INPP5F: variants seen among roughly 807,000 people sequenced by gnomAD.
INPP5F encodes the protein inositol polyphosphate-5-phosphatase F.
Under a neutral mutation model 137.2 loss-of-function variants are expected in INPP5F, and 97 were observed. The ratio of observed to expected loss-of-function variants is 0.71; its 90% CI spans 0.60 to 0.84. INPP5F has a LOEUF of 0.84. INPP5F is among the 40% of genes least tolerant of loss of function. The pLI is 0.00. For synonymous variants in INPP5F, 504 were observed against 476.9 expected (o/e 1.06, Z -0.74); for missense variants, 1,271 against 1,371.9 (o/e 0.93, Z 1.16).
intron 3 of INPP5F, among the ~76,000 whole-genome samples, chr10:119,785,575 A>AGAGAGAGAGAGACT (rs1435677238): frequency 7.5e-4 from 113 of 150,500 alleles, no homozygotes; most frequent in Admixed American, 2.1e-3. Flanking sequence ...AGAGAGAGAG[A>AGAGAGAGAGAGACT]GAGACTGAGA....
intron 2 of INPP5F, among the ~76,000 whole-genome samples, chr10:119,770,454 C>T (rs763955621): frequency 7.2e-5 from 11 of 152,202 alleles, no homozygotes; most frequent in Non-Finnish European, 1.3e-4. Context: ...ACAATAGTGA[C>T]GCTGTACTTT....
At chr10:119,823,732 A>G in intron 18 of INPP5F, 83 bp from the exon 19 acceptor site, 1 of 968,462 alleles carries the variant, frequency 1.0e-6, no homozygotes, top group South Asian at 1.7e-5. Flanking sequence ...GACAAATTTC[A>G]TTCAGCGCTA....
chr10:119,806,315 C>A, intron 11 of INPP5F, 45 bp from the exon 12 acceptor site: 1 of 1,347,304 alleles, frequency 7.4e-7, no homozygotes, highest in Non-Finnish European at 1.0e-6. Context: ...TTTGAAAACC[C>A]TATTATTTTA....
At chr10:119,737,184 G>T (rs890732481) in intron 1 of INPP5F, among the ~76,000 whole-genome samples, 5 of 152,062 alleles carry the variant, frequency 3.3e-5, no homozygotes, top group African/African-American at 9.7e-5. Context: ...TATTCTTGTG[G>T]TTACTTTTTG....
chr10:119,808,151 AT>A, intron 13 of INPP5F, 91 bp downstream of exon 13: 1 of 1,454,550 alleles, frequency 6.9e-7, no homozygotes, highest in Non-Finnish European at 9.3e-7. Flanking sequence ...TGGGTTCCAG[AT>A]TGCAGATGTG....
Position 119,827,581 on chromosome 10 carries a change from C to G in INPP5F, c.3200C>G (p.Ala1067Gly). ...CCTTCAGAGAGCAGTAGCAGCAGAG[C>G]AGTCTCTCCCTTTGCCAAGATTCGA... The part of the protein sequence containing the change: ...PSPSESSSSR[A>G]VSPFAKIRSS... Residue 1067 changes from alanine to glycine, a missense_variant, in exon 20 of 20, where the codon GCA becomes GGA. This residue lies in a region of INPP5F where 490 missense variants were observed against 443.7 expected (regional missense o/e 1.10). Transcript: ENST00000650623. 6.2e-7 allele frequency: 1 copy of G among 1,614,160 alleles called. No homozygotes were observed. Among genetic ancestry groups the G allele is most frequent in the Non-Finnish European group, 8.5e-7 (1 of 1,180,016 alleles).
intron 15 of INPP5F, chr10:119,819,571 A>G (rs1213445780): frequency 1.1e-5 from 18 of 1,568,196 alleles, no homozygotes; most frequent in Non-Finnish European, 1.6e-5. Flanking sequence ...TTAACATTTT[A>G]CAGTGTTATT....
chr10:119,734,198 C>A (rs533644562), intron 1 of INPP5F, among the ~76,000 whole-genome samples: 3 of 152,090 alleles, frequency 2.0e-5, no homozygotes, highest in South Asian at 2.1e-4. Context: ...CCAAACCGGC[C>A]CTTGTGCAGA....
At chr10:119,743,364 C>T (rs1848432860) in intron 1 of INPP5F, among the ~76,000 whole-genome samples, 1 of 152,176 alleles carries the variant, frequency 6.6e-6, no homozygotes, top group Non-Finnish European at 1.5e-5. Flanking sequence ...AGTGAGCTTC[C>T]TCTTCCTCAT....
At chr10:119,797,378 T>C (rs919318972) in intron 7 of INPP5F, 83 bp from the exon 8 acceptor site, 3 of 1,082,800 alleles carry the variant, frequency 2.8e-6, no homozygotes, top group Non-Finnish European at 4.0e-6. Context: ...CTGGAAGACA[T>C]ACATTTGATT....
intron 1 of INPP5F, among the ~76,000 whole-genome samples, chr10:119,742,970 C>T (rs762993389): frequency 2.0e-5 from 3 of 151,560 alleles, no homozygotes; most frequent in Admixed American, 6.6e-5. Context: ...CCAGCCTGGG[C>T]GACAAGAGTG....
chr10:119,750,146 A>G (rs1333096342), intron 1 of INPP5F, among the ~76,000 whole-genome samples: 1 of 152,214 alleles, frequency 6.6e-6, no homozygotes, highest in East Asian at 1.9e-4. Context: ...TCAAAACTCA[A>G]ATGAATTTGG....
intron 15 of INPP5F, among the ~76,000 whole-genome samples, chr10:119,812,572 C>T (rs891493902): frequency 6.6e-6 from 1 of 151,934 alleles, no homozygotes; most frequent in Non-Finnish European, 1.5e-5. Context: ...CACTCTAGTT[C>T]TATTTTATCT....
intron 1 of INPP5F, among the ~76,000 whole-genome samples, chr10:119,728,044 C>G (rs1356677112): frequency 6.6e-6 from 1 of 152,226 alleles, no homozygotes; most frequent in Non-Finnish European, 1.5e-5. Context: ...GGCTAACCTG[C>G]GCCTAGATTC....
At chr10:119,780,049 AC>A (rs1237867199) in intron 2 of INPP5F, among the ~76,000 whole-genome samples, 2 of 152,168 alleles carry the variant, frequency 1.3e-5, no homozygotes, top group Non-Finnish European at 2.9e-5. Context: ...GTAGGTTTAT[AC>A]CAGAATCACA....
rs1849717963 is a variant in INPP5F at position 119,781,784 on chromosome 10, A to C, written c.315+13A>C. 6.3e-7 allele frequency: 1 copy of C among 1,580,054 alleles called. No homozygotes were observed. Among genetic ancestry groups the C allele is most frequent in the Non-Finnish European group, 8.6e-7 (1 of 1,156,906 alleles). ...TCTTGAGCTAGAGGTAGGTGAAATA[A>C]AGGGAAATTATATGGAAACCTGATA... On this transcript the variant is annotated intron_variant, in intron 3 of 19. Coordinates refer to ENST00000650623, the MANE Select transcript of INPP5F (RefSeq NM_014937.4).
intron 1 of INPP5F, among the ~76,000 whole-genome samples, chr10:119,741,843 T>C (rs1005211341): frequency 6.6e-6 from 1 of 151,832 alleles, no homozygotes; most frequent in East Asian, 1.9e-4. Context: ...CCATTATTTA[T>C]TTTTTTTGAG....
At chr10:119,740,036 T>G (rs1240954124) in intron 1 of INPP5F, among the ~76,000 whole-genome samples, 2 of 45,782 alleles carry the variant, frequency 4.4e-5, no homozygotes, top group African/African-American at 1.2e-4. Flanking sequence ...TTTTCTTAAT[T>G]TTTTTCCCCC....
intron 2 of INPP5F, among the ~76,000 whole-genome samples, chr10:119,761,270 C>G (rs1045829954): frequency 6.6e-6 from 1 of 152,170 alleles, no homozygotes; most frequent in African/African-American, 2.4e-5. Flanking sequence ...GAGTCATTGT[C>G]AGTTTTCTAT....
Sources: gnomAD v4.1 joint callset for allele counts (sites outside exome capture counted in the v4.1 genomes callset) on GRCh38, gnomAD v4.1.1 for gene constraint, gnomAD v4.1.1 regional missense constraint, MANE v1.5 for transcripts, NCBI Gene and HGNC (gene_info 2026-07-23, HGNC 2026-07-21) for gene names.